Variants in LPCAT3 observed in about 807,000 individuals in gnomAD.
The protein encoded by LPCAT3 is lysophosphatidylcholine acyltransferase 3.
Under a neutral mutation model 63.4 loss-of-function variants are expected in LPCAT3, and 21 were observed. The observed-to-expected ratio is 0.33, with a 90% CI of 0.23 to 0.48. The LOEUF is 0.48. LPCAT3 is among the 20% of genes least tolerant of loss of function. The pLI, the probability that LPCAT3 is intolerant of heterozygous loss-of-function variation, is 0.99. For missense variants in LPCAT3, 451 were observed against 590.6 expected (o/e 0.76, Z 2.45); for synonymous variants, 242 against 227.5 (o/e 1.06, Z -0.58).
intron 1 of LPCAT3, among the ~76,000 whole-genome samples, chr12:7,010,992 C>G (rs782283376): frequency 6.6e-6 from 1 of 152,276 alleles, no homozygotes; most frequent in South Asian, 2.1e-4. Flanking sequence ...TGCATGCCAT[C>G]ATGCCTGGCT....
intron 1 of LPCAT3, among the ~76,000 whole-genome samples, chr12:7,003,330 A>C (rs920616800): frequency 3.3e-5 from 5 of 151,682 alleles, no homozygotes; most frequent in Non-Finnish European, 7.4e-5. Flanking sequence ...TCTCTGAAGA[A>C]TTTATTGAGT....
intron 1 of LPCAT3, among the ~76,000 whole-genome samples, chr12:7,003,710 CAGG>C (rs782588852): frequency 1.3e-4 from 19 of 151,728 alleles, no homozygotes; most frequent in Non-Finnish European, 2.5e-4. Context: ...ATCATGAGGT[CAGG>C]AGATCGAGAC....
intron 1 of LPCAT3, among the ~76,000 whole-genome samples, chr12:6,990,519 TTAAAA>T (rs1254905433): frequency 7.5e-6 from 1 of 133,584 alleles, no homozygotes; most frequent in Non-Finnish European, 1.6e-5. Context: ...AAAAAGAAAA[TTAAAA>T]TAAAATAAAT....
intron 1 of LPCAT3, among the ~76,000 whole-genome samples, chr12:6,983,934 G>C (rs1190083666): frequency 1.3e-5 from 2 of 152,114 alleles, no homozygotes; most frequent in African/African-American, 2.4e-5. Flanking sequence ...CTTGAGCCGA[G>C]GAGTTCGACA....
chr12:7,010,094 T>C (rs2138360233), intron 1 of LPCAT3, among the ~76,000 whole-genome samples: 1 of 152,332 alleles, frequency 6.6e-6, no homozygotes, highest in South Asian at 2.1e-4. Flanking sequence ...CTAAAGACAA[T>C]GCACATGTTA....
At chr12:6,995,214 G>A (rs1259724700) in intron 1 of LPCAT3, among the ~76,000 whole-genome samples, 1 of 151,146 alleles carries the variant, frequency 6.6e-6, no homozygotes, top group African/African-American at 2.4e-5. Flanking sequence ...GTGGCTCCAC[G>A]TCTGTAATCC....
intron 1 of LPCAT3, among the ~76,000 whole-genome samples, chr12:7,007,657 G>A (rs1414951244): frequency 6.6e-6 from 1 of 151,326 alleles, no homozygotes; most frequent in Non-Finnish European, 1.5e-5. Context: ...ACCGTGCCCG[G>A]CTAATTTTTG....
intron 1 of LPCAT3, among the ~76,000 whole-genome samples, chr12:6,989,582 G>A (rs1235253865): frequency 6.6e-6 from 1 of 152,134 alleles, no homozygotes; most frequent in Non-Finnish European, 1.5e-5. Context: ...ACAAGCGTGA[G>A]TCACCGTGCC....
intron 1 of LPCAT3, among the ~76,000 whole-genome samples, chr12:6,994,567 A>G (rs1259712826): frequency 6.6e-6 from 1 of 152,110 alleles, no homozygotes; most frequent in Non-Finnish European, 1.5e-5. Flanking sequence ...TCTAGGTTCA[A>G]GTGATCCTCC....
chr12:7,012,935 A>G (rs782702408), intron 1 of LPCAT3, among the ~76,000 whole-genome samples: 1 of 152,248 alleles, frequency 6.6e-6, no homozygotes, highest in Admixed American at 6.5e-5. Flanking sequence ...TCATTCATTC[A>G]TACATTCACC....
intron 1 of LPCAT3, among the ~76,000 whole-genome samples, chr12:6,996,843 A>G (rs138922103): frequency 1.2e-3 from 180 of 152,352 alleles, no homozygotes; most frequent in African/African-American, 3.4e-3. Context: ...TGAACAGAGA[A>G]GAGATGACGG....
At chr12:6,979,317 G>T (rs1381322260) in intron 7 of LPCAT3, 154 bp downstream of exon 7, 1 of 638,990 alleles carries the variant, frequency 1.6e-6, no homozygotes, top group Admixed American at 2.5e-5. Flanking sequence ...ACATGTCCCA[G>T]CACGGCTGGC....
At chr12:7,010,572 T>A (rs1195210469) in intron 1 of LPCAT3, among the ~76,000 whole-genome samples, 1 of 152,192 alleles carries the variant, frequency 6.6e-6, no homozygotes, top group African/African-American at 2.4e-5. Flanking sequence ...CATGCTACCA[T>A]GCCCAGCTAA....
chr12:6,984,619 C>A (rs1946503337), intron 1 of LPCAT3, among the ~76,000 whole-genome samples: 1 of 152,238 alleles, frequency 6.6e-6, no homozygotes, highest in Non-Finnish European at 1.5e-5. Context: ...GGGTCTCTTG[C>A]TCTGTCACCC....
At chr12:7,000,844 C>A (rs1188843972) in intron 1 of LPCAT3, among the ~76,000 whole-genome samples, 1 of 151,536 alleles carries the variant, frequency 6.6e-6, no homozygotes, top group Non-Finnish European at 1.5e-5. Flanking sequence ...GTAGCTGGGA[C>A]TACAGGTGCC....
Position 6,977,581 on chromosome 12 carries a change from C to A in LPCAT3, c.1188+17G>T. The A allele has an allele frequency of 6.2e-7, 1 of 1,614,182 alleles. No homozygotes were observed. The highest frequency in any genetic ancestry group is 2.2e-5 in the East Asian group (1 of 44,886). On this transcript the variant is annotated intron_variant, in intron 10 of 12. Transcript: ENST00000261407. This position sits in a 1 kb window ranked among gnomAD's most constrained non-coding sequence, Gnocchi z 4.5. ...TTGTCCCTTATATTCCCCTTCACCC[C>A]CACCCTGGAGGCCTACCTGTCTTTC...
chr12:7,004,676 T>G (rs1946714261), intron 1 of LPCAT3, among the ~76,000 whole-genome samples: 1 of 152,238 alleles, frequency 6.6e-6, no homozygotes, highest in South Asian at 2.1e-4. Context: ...ATCTGAAACT[T>G]CGGGTGTTCA....
chr12:7,006,891 C>T (rs16928105), intron 1 of LPCAT3, among the ~76,000 whole-genome samples: 10,230 of 152,180 alleles, frequency 0.067, 438 homozygotes, highest in African/African-American at 0.098. Flanking sequence ...AATTGGAAAC[C>T]TCGAGAGTTA....
Position 6,976,993 on chromosome 12 carries a change from AG to A in LPCAT3, c.*13-103del, listed in dbSNP as rs1170606524. 4.7e-6 allele frequency: 3 copies of A among 641,594 alleles called. No homozygotes were observed. In the East Asian group the frequency reaches 7.6e-5, roughly 16 times the overall value. 39.7% of individuals were successfully genotyped at this position (641,594 alleles called of 1,614,324 possible). On this transcript the variant is annotated intron_variant, in intron 12 of 12. Transcript: ENST00000261407. The stretch of plus-strand genomic sequence containing the variant: ...CTAGCATGCCTCAATAAGTCACAGT[AG>A]TCATTGCCCATACTGTGTTCCTTAG...
Sources: allele counts gnomAD v4.1 joint callset (sites outside exome capture counted in the v4.1 genomes callset), GRCh38; gene constraint gnomAD v4.1.1; non-coding constraint Gnocchi (gnomAD v3.1); transcripts MANE v1.5; gene names NCBI Gene and HGNC (gene_info 2026-07-23, HGNC 2026-07-21).